Variants in MICAL3 observed in about 807,000 individuals in gnomAD.
The protein encoded by MICAL3 is [F-actin]-monooxygenase MICAL3.
MICAL3 carries 62 observed loss-of-function variants against 207.4 expected under a neutral mutation model. That is an observed-to-expected ratio of 0.30 (90% confidence interval 0.24 to 0.37). The LOEUF is 0.37. Ranked by LOEUF, MICAL3 falls within the 10% of genes least tolerant of loss-of-function variation. The pLI, the probability that MICAL3 is intolerant of heterozygous loss-of-function variation, is 1.00. For missense variants in MICAL3, 2,368 were observed against 2,635.6 expected (o/e 0.90, Z 2.22); for synonymous variants, 1,077 against 1,069.3 (o/e 1.01, Z -0.14).
intron 1 of MICAL3, among the ~76,000 whole-genome samples, chr22:17,911,924 C>T (rs536932818): frequency 1.1e-5 from 1 of 90,598 alleles, no homozygotes; most frequent in East Asian, 2.2e-4. Flanking sequence ...ATGCCTCGGG[C>T]TCCTGATCTG....
chr22:17,810,821 G>A lies in MICAL3; in HGVS notation c.5446-8C>T, dbSNP rs2062040061. 1.2e-6 allele frequency: 2 copies of A among 1,611,676 alleles called. No homozygotes were observed. The highest frequency in any genetic ancestry group is 1.7e-6 in the Non-Finnish European group (2 of 1,177,838). On this transcript the variant is annotated splice_polypyrimidine_tract_variant and splice_region_variant and intron_variant, in intron 27 of 31. Coordinates refer to ENST00000441493, the MANE Select transcript of MICAL3 (RefSeq NM_015241.3). ...CTCCGTGTAGGTTCTTGGCTGGAGAGAACAAGAGAAACTTCCTCAGTCAGG... is the reference window on the plus strand; with the variant it reads ...CTCCGTGTAGGTTCTTGGCTGGAGAAAACAAGAGAAACTTCCTCAGTCAGG...
intron 1 of MICAL3, among the ~76,000 whole-genome samples, chr22:18,017,294 A>C (rs1924122678): frequency 6.6e-6 from 1 of 151,978 alleles, no homozygotes; most frequent in Non-Finnish European, 1.5e-5. Flanking sequence ...GCTCACTGCA[A>C]CCTCTACTTC....
chr22:17,794,224 G>C (rs1336950849), intron 29 of MICAL3, among the ~76,000 whole-genome samples: 4 of 152,216 alleles, frequency 2.6e-5, no homozygotes, highest in African/African-American at 9.6e-5. Context: ...TTGTCATACC[G>C]GGGCCTTTGG....
rs745939602 is a variant in MICAL3 at position 17,817,700 on chromosome 22, G to A, written c.4961C>T (p.Thr1654Ile). 5 of 1,600,778 alleles carry A rather than the reference G, an allele frequency of 3.1e-6. No individual in the cohort carries two copies. The highest frequency in any genetic ancestry group is 4.3e-6 in the Non-Finnish European group (5 of 1,174,776). Reference protein sequence around the residue: ...ERRPDSPTRPTLRGSEEPTLK... With the variant: ...ERRPDSPTRPILRGSEEPTLK... The stretch of plus-strand genomic sequence containing the variant: ...GGTGGGCTCCTCGGAGCCCCTGAGA[G>A]TGGGGCGTGTGGGGGAGTCAGGCCG... Residue 1654 changes from threonine (T) to isoleucine (I), a missense_variant, in exon 26 of 32, where the codon ACT becomes ATT. Physicochemically the swap from Thr to Ile is moderately conservative, Grantham distance 89. Around this residue, in one of 4 missense-constraint regions of MICAL3, gnomAD observed 1,770 missense variants for 1,863.2 expected, o/e 0.95. Transcript: ENST00000441493.
At position 17,789,621 on chromosome 22, in the gene MICAL3, C is replaced by A. The variant is rs1176334096; in HGVS notation, c.*1111G>T. On this transcript the variant is annotated 3_prime_UTR_variant, in exon 32 of 32. Coordinates refer to ENST00000441493, the MANE Select transcript of MICAL3 (RefSeq NM_015241.3). ...GGAGGACCCACACAGGGGTTCTGGGCAGCTCCCTGATGCCAGCCAGGCCAG... is the reference window on the plus strand; with the variant it reads ...GGAGGACCCACACAGGGGTTCTGGGAAGCTCCCTGATGCCAGCCAGGCCAG... 1 of 152,316 alleles carries A rather than the reference C, an allele frequency of 6.6e-6. No individual in the cohort carries two copies. 9.4% of individuals were successfully genotyped at this position (152,316 alleles called of 1,614,324 possible). A position where few individuals can be genotyped will look rare whatever the true frequency, so the allele number is the denominator to read the frequency against.
intron 15 of MICAL3, among the ~76,000 whole-genome samples, chr22:17,886,437 T>C (rs56192264): frequency 6.6e-6 from 1 of 152,090 alleles, no homozygotes; most frequent in African/African-American, 2.4e-5. Context: ...GAGGCCAAGA[T>C]GGGTGGATCA....
rs777494307 is a variant in MICAL3 at position 17,818,152 on chromosome 22, C to A, written c.4509G>T (p.Gln1503His). The A allele has an allele frequency of 1.3e-5, 21 of 1,604,012 alleles. No homozygotes were observed. The highest frequency in any genetic ancestry group is 1.8e-5 in the Non-Finnish European group (21 of 1,176,580). Residue 1503 changes from glutamine to histidine, a missense_variant, in exon 26 of 32, where the codon CAG (glutamine) becomes CAT (histidine). Transcript: ENST00000441493. ...TWMRPPREPA[Q>H]PPREEVRKSF... is the part of the protein sequence containing the mutation. ...ACTTCCGCACCTCCTCTCTGGGGGG[C>A]TGAGCAGGCTCCCGGGGGGGCCGCA...
intron 2 of MICAL3, among the ~76,000 whole-genome samples, chr22:17,905,364 C>T (rs979867748): frequency 6.6e-6 from 1 of 152,162 alleles, no homozygotes; most frequent in Non-Finnish European, 1.5e-5. Context: ...GTTCCAAAAT[C>T]CCCATTTCTA....
intron 1 of MICAL3, among the ~76,000 whole-genome samples, chr22:17,948,957 C>T (rs1602272100): frequency 6.7e-6 from 1 of 149,040 alleles, no homozygotes; most frequent in Non-Finnish European, 1.5e-5. Flanking sequence ...TGCCTGTAAT[C>T]CCAGCCCTTT....
At position 17,868,460 on chromosome 22, in the gene MICAL3, A is replaced by AG. The variant is rs1927371917; in HGVS notation, c.2429-2449dup. 2.0e-5 allele frequency among the ~76,000 whole-genome samples: 3 copies of AG among 152,318 alleles called. No homozygotes were observed. In the South Asian group the frequency reaches 6.2e-4, roughly 32 times the overall value. On this transcript the variant is annotated intron_variant, in intron 17 of 31. Transcript: ENST00000441493. Reference sequence around the variant, plus strand: ...ATTAGTACCCACCTCTTTCTCAGCGAGGAACAGGAGGCCGAGTGACCTGCC... The same window carrying AG: ...ATTAGTACCCACCTCTTTCTCAGCGAGGGAACAGGAGGCCGAGTGACCTGCC...
intron 1 of MICAL3, among the ~76,000 whole-genome samples, chr22:17,928,704 G>A (rs1279134952): frequency 1.3e-5 from 2 of 152,204 alleles, no homozygotes; most frequent in South Asian, 2.1e-4. Context: ...GTTTCATACC[G>A]TGGCTTTATA....
intron 19 of MICAL3, chr22:17,861,479 C>T: frequency 1.0e-6 from 1 of 985,440 alleles, no homozygotes; most frequent in Non-Finnish European, 1.2e-6. Flanking sequence ...CCGGCTATGC[C>T]TTCGGCTTCC....
chr22:18,008,043 C>A (rs12172036), intron 1 of MICAL3, among the ~76,000 whole-genome samples: 8,377 of 151,070 alleles, frequency 0.055, 318 homozygotes, highest in African/African-American at 0.11. Flanking sequence ...GAGTTCGAGA[C>A]CAGCCTGGCC....
intron 1 of MICAL3, among the ~76,000 whole-genome samples, chr22:17,916,236 C>T (rs1932509079): frequency 6.6e-6 from 1 of 152,154 alleles, no homozygotes; most frequent in South Asian, 2.1e-4. Flanking sequence ...CCAATGATAG[C>T]GAGCGACATC....
intron 20 of MICAL3, among the ~76,000 whole-genome samples, chr22:17,837,221 C>T (rs1454519780): frequency 1.3e-5 from 2 of 152,184 alleles, no homozygotes; most frequent in Non-Finnish European, 2.9e-5. Context: ...GGGAGTGAGG[C>T]GGGAGGGAGA....
rs541178813 is a variant in MICAL3 at position 17,796,899 on chromosome 22, T to G, written c.5651-5598A>C. ...CATGGGCCCAAGACCCAGTGTGGGG[T>G]AGAATGGCCAACAGTGTGGGGGAAA... On this transcript the variant is annotated intron_variant, in intron 29 of 31. Transcript: ENST00000441493. This position sits in a 1 kb window ranked among gnomAD's most constrained non-coding sequence, Gnocchi z 4.4. 6.6e-6 allele frequency among the ~76,000 whole-genome samples: 1 copy of G among 152,084 alleles called. No individual in the cohort carries two copies. Among genetic ancestry groups the G allele is most frequent in the Non-Finnish European group, 1.5e-5 (1 of 68,008 alleles).
At chr22:17,846,498 A>G (rs1924645191) in intron 19 of MICAL3, among the ~76,000 whole-genome samples, 1 of 152,196 alleles carries the variant, frequency 6.6e-6, no homozygotes. Context: ...CGGTGATGAG[A>G]AACCAAGATA....
At chr22:17,936,447 G>A (rs975144320) in intron 1 of MICAL3, among the ~76,000 whole-genome samples, 1 of 152,072 alleles carries the variant, frequency 6.6e-6, no homozygotes, top group Non-Finnish European at 1.5e-5. Flanking sequence ...CTAGGGGAGG[G>A]ATAGCATTAG....
chr22:17,819,556 A>C (rs1601964613), intron 25 of MICAL3, among the ~76,000 whole-genome samples: 1 of 152,136 alleles, frequency 6.6e-6, no homozygotes, highest in Non-Finnish European at 1.5e-5. Flanking sequence ...TTATGATCAA[A>C]TTGTCCTCCC....
Sources: gnomAD v4.1 joint callset for allele counts (sites outside exome capture counted in the v4.1 genomes callset) on GRCh38, gnomAD v4.1.1 for gene constraint, gnomAD v4.1.1 regional missense constraint, Gnocchi (gnomAD v3.1) non-coding constraint, MANE v1.5 for transcripts, NCBI Gene and HGNC (gene_info 2026-07-23, HGNC 2026-07-21) for gene names.